The following OPCML variants were observed in gnomAD, a reference collection of about 807,000 sequenced individuals.
OPCML encodes the protein opioid binding protein/cell adhesion molecule like, also known as opioid-binding protein/cell adhesion molecule.
In OPCML, 13 loss-of-function variants were observed where a neutral mutation model predicts 37.8. That is an observed-to-expected ratio of 0.34 (90% CI 0.22 to 0.55). The LOEUF (loss-of-function observed/expected upper bound fraction) is 0.55. OPCML is among the 20% of genes least tolerant of loss of function. OPCML has a pLI of 0.91. For missense variants in OPCML, 341 were observed against 435.6 expected (o/e 0.78, Z 1.93); for synonymous variants, 176 against 168.8 (o/e 1.04, Z -0.33).
intron 4 of OPCML, among the ~76,000 whole-genome samples, chr11:132,485,209 G>T (rs1393139327): frequency 3.9e-5 from 6 of 152,088 alleles, no homozygotes; most frequent in Non-Finnish European, 7.4e-5. Flanking sequence ...AGGGAACACT[G>T]TCCCCCGACT....
intron 2 of OPCML, among the ~76,000 whole-genome samples, chr11:132,770,816 G>A (rs1023776500): frequency 3.9e-5 from 6 of 152,150 alleles, no homozygotes; most frequent in Non-Finnish European, 5.9e-5. Flanking sequence ...AATTGGAGAA[G>A]GGGGGACTCA....
intron 3 of OPCML, among the ~76,000 whole-genome samples, chr11:132,544,170 T>C (rs1207057599): frequency 6.6e-6 from 1 of 151,966 alleles, no homozygotes; most frequent in Non-Finnish European, 1.5e-5. Flanking sequence ...CTTGGCAATC[T>C]CCTTACCCAT....
At chr11:132,879,082 T>C (rs1239327015) in intron 2 of OPCML, among the ~76,000 whole-genome samples, 1 of 152,212 alleles carries the variant, frequency 6.6e-6, no homozygotes, top group Non-Finnish European at 1.5e-5. Context: ...GGTAGAAACT[T>C]TGTATAAATG....
intron 2 of OPCML, among the ~76,000 whole-genome samples, chr11:132,667,007 G>A (rs560576368): frequency 3.3e-5 from 5 of 152,268 alleles, no homozygotes; most frequent in East Asian, 1.9e-4. Context: ...AGGGTCTGCC[G>A]CTTAAGGAAG....
At chr11:132,887,007 G>C (rs140359368) in intron 2 of OPCML, among the ~76,000 whole-genome samples, 38 of 152,264 alleles carry the variant, frequency 2.5e-4, no homozygotes, top group African/African-American at 9.1e-4. Context: ...ATTAAAAAGA[G>C]TAGATTAAAC....
In OPCML at chr11:132,827,230, A is replaced by T. The variant is rs7946177; in HGVS notation, c.146+115696T>A. 2.4e-3 allele frequency among the ~76,000 whole-genome samples: 373 copies of T among 152,330 alleles called. 1 individual carries two copies. The highest frequency in any genetic ancestry group is 8.7e-3 in the African/African-American group (360 of 41,568). The stretch of plus-strand genomic sequence containing the variant: ...CTCTCAAAACTCAACAATAAAAAAC[A>T]ATTGACCCAATTTTAAAGGGGAGCA... On this transcript the variant is annotated intron_variant, in intron 2 of 7. Coordinates refer to ENST00000524381, the MANE Select transcript of OPCML (RefSeq NM_001012393.5).
chr11:132,680,690 C>T (rs1468633630), intron 2 of OPCML, among the ~76,000 whole-genome samples: 5 of 152,152 alleles, frequency 3.3e-5, no homozygotes, highest in South Asian at 2.1e-4. Context: ...TTAGTGTCAA[C>T]GATACAGATA....
intron 1 of OPCML, among the ~76,000 whole-genome samples, chr11:132,945,220 T>C (rs1945719256): frequency 6.6e-6 from 1 of 152,254 alleles, no homozygotes; most frequent in South Asian, 2.1e-4. Context: ...TTAGGAGATT[T>C]TGTCATTGTG....
At chr11:132,714,421 C>A (rs1296983426) in intron 2 of OPCML, among the ~76,000 whole-genome samples, 1 of 152,134 alleles carries the variant, frequency 6.6e-6, no homozygotes, top group East Asian at 1.9e-4. Flanking sequence ...GTAGAAAGTT[C>A]ACACTTAAAA....
intron 1 of OPCML, among the ~76,000 whole-genome samples, chr11:133,179,876 G>A (rs899476570): frequency 6.6e-6 from 1 of 152,174 alleles, no homozygotes; most frequent in Non-Finnish European, 1.5e-5. Flanking sequence ...CAGGAGGAGA[G>A]CGGCCAGTGG....
chr11:133,328,554 T>C (rs1222061642), intron 1 of OPCML, among the ~76,000 whole-genome samples: 1 of 152,216 alleles, frequency 6.6e-6, no homozygotes, highest in African/African-American at 2.4e-5. Context: ...TCATTATCAT[T>C]AGAAAAGCAT....
intron 1 of OPCML, among the ~76,000 whole-genome samples, chr11:133,150,190 T>C (rs1438022946): frequency 6.6e-6 from 1 of 152,262 alleles, no homozygotes; most frequent in Non-Finnish European, 1.5e-5. Flanking sequence ...CCTCCAGATA[T>C]ATCAGGTGCC....
chr11:132,416,651 C>T lies in OPCML; in HGVS notation c.*3542G>A, dbSNP rs1565542385. ...TGTAAATGTATCATCTAGTAAGAGG[C>T]ATGGATGTAAGAAGAAAGAGACTGG... On this transcript the variant is annotated 3_prime_UTR_variant, in exon 8 of 8. Coordinates refer to ENST00000524381, the MANE Select transcript of OPCML (RefSeq NM_001012393.5). 1 of 152,060 alleles carries T rather than the reference C, an allele frequency of 6.6e-6. No individual in the cohort carries two copies. 9.4% of individuals were successfully genotyped at this position (152,060 alleles called of 1,614,324 possible). A position where few individuals can be genotyped will look rare whatever the true frequency, so the allele number is the denominator to read the frequency against.
At chr11:133,091,208 G>A (rs533956976) in intron 1 of OPCML, among the ~76,000 whole-genome samples, 84 of 152,326 alleles carry the variant, frequency 5.5e-4, no homozygotes, top group African/African-American at 1.9e-3. Context: ...TGCTAATTCT[G>A]CAGGTGTGTA....
At chr11:133,267,041 G>A (rs761330310) in intron 1 of OPCML, among the ~76,000 whole-genome samples, 4 of 152,210 alleles carry the variant, frequency 2.6e-5, no homozygotes, top group South Asian at 2.1e-4. Flanking sequence ...AGTATGATTC[G>A]GCACCTTGGG....
intron 3 of OPCML, among the ~76,000 whole-genome samples, chr11:132,575,601 T>A (rs1308638335): frequency 6.6e-6 from 1 of 151,992 alleles, no homozygotes; most frequent in South Asian, 2.1e-4. Context: ...AACATATATT[T>A]ACTTATATTT....
intron 2 of OPCML, among the ~76,000 whole-genome samples, chr11:132,919,749 G>A (rs1169163908): frequency 6.6e-6 from 1 of 152,176 alleles, no homozygotes; most frequent in African/African-American, 2.4e-5. Flanking sequence ...GCTTTTTAAA[G>A]ATAGAGGCCA....
chr11:133,372,895 C>T (rs1329695222), intron 1 of OPCML, among the ~76,000 whole-genome samples: 1 of 152,156 alleles, frequency 6.6e-6, no homozygotes, highest in Non-Finnish European at 1.5e-5. Context: ...ATAAGTTATA[C>T]ATTAGTTGTT....
At chr11:133,500,053 G>A (rs1047806917) in intron 1 of OPCML, among the ~76,000 whole-genome samples, 9 of 151,508 alleles carry the variant, frequency 5.9e-5, no homozygotes, top group Non-Finnish European at 1.3e-4. Context: ...TGTATTTTTA[G>A]TAGAGACGGG....
Sources: gnomAD v4.1 joint callset for allele counts (sites outside exome capture counted in the v4.1 genomes callset) on GRCh38, gnomAD v4.1.1 for gene constraint, MANE v1.5 for transcripts, NCBI Gene and HGNC (gene_info 2026-07-23, HGNC 2026-07-21) for gene names.